SASH1: variants seen among roughly 807,000 people sequenced by gnomAD.
SASH1 encodes the protein SAM and SH3 domain containing 1, also known as SAM and SH3 domain-containing protein 1.
In SASH1, 44 loss-of-function variants were observed where a neutral mutation model predicts 125.2. The observed-to-expected ratio is 0.35, with a 90% CI of 0.28 to 0.45. The LOEUF (loss-of-function observed/expected upper bound fraction) is 0.45. Among genes scored for constraint, SASH1 ranks in the 20% least tolerant of loss-of-function variants. The pLI, the probability that SASH1 is intolerant of heterozygous loss-of-function variation, is 1.00. For missense variants in SASH1, 1,426 were observed against 1,614.5 expected, an observed-to-expected ratio of 0.88 and a Z score of 2.00; for synonymous variants, 639 against 649.1, an observed-to-expected ratio of 0.98 and a Z score of 0.24.
chr6:148,402,828 C>T (rs1239909264), intron 2 of SASH1, among the ~76,000 whole-genome samples: 2 of 151,728 alleles, frequency 1.3e-5, no homozygotes, highest in Non-Finnish European at 2.9e-5. Flanking sequence ...CCAGGATGGT[C>T]TAGATCTCCT....
chr6:148,367,536 C>A (rs1341559882), intron 1 of SASH1, among the ~76,000 whole-genome samples: 1 of 152,240 alleles, frequency 6.6e-6, no homozygotes, highest in African/African-American at 2.4e-5. Flanking sequence ...CTGTAGCAGT[C>A]AGGATTTCCT....
chr6:148,397,523 C>G (rs1036316844), intron 2 of SASH1, among the ~76,000 whole-genome samples: 1 of 152,144 alleles, frequency 6.6e-6, no homozygotes, highest in Non-Finnish European at 1.5e-5. Context: ...TTATATACAT[C>G]TAAATGCACA....
chr6:148,205,831 A>G, the SASH1 span, among the ~76,000 whole-genome samples: 1 of 152,246 alleles, frequency 6.6e-6, no homozygotes, highest in African/African-American at 2.4e-5. Context: ...GCACACATGG[A>G]GCATTGCTCT....
the SASH1 span, among the ~76,000 whole-genome samples, chr6:148,265,631 G>A: frequency 6.6e-6 from 1 of 152,130 alleles, no homozygotes. Flanking sequence ...TAAGAGCATT[G>A]ATTAATGTTC....
upstream of SASH1, among the ~76,000 whole-genome samples, chr6:148,270,102 T>C (rs1779027330): frequency 1.3e-5 from 2 of 152,190 alleles, no homozygotes; most frequent in African/African-American, 2.4e-5. Context: ...GAATTTCTCT[T>C]TTGGTTGCTG....
chr6:148,251,515 A>C, the SASH1 span, among the ~76,000 whole-genome samples: 22 of 152,150 alleles, frequency 1.4e-4, no homozygotes, highest in Admixed American at 5.9e-4. Flanking sequence ...GTCAACCTGA[A>C]GAAAATTGGA....
chr6:148,410,783 G>A (rs1562389172), intron 2 of SASH1, among the ~76,000 whole-genome samples: 2 of 152,256 alleles, frequency 1.3e-5, no homozygotes, highest in East Asian at 3.9e-4. Flanking sequence ...TTGTAAGGAG[G>A]ACCTCACTGT....
the SASH1 span, among the ~76,000 whole-genome samples, chr6:148,248,754 G>A: frequency 6.6e-6 from 1 of 152,208 alleles, no homozygotes; most frequent in Admixed American, 6.5e-5. Flanking sequence ...ATCTCCATAT[G>A]ATTTGTAGCT....
chr6:148,362,469 C>T (rs1330771206), intron 1 of SASH1, among the ~76,000 whole-genome samples: 2 of 151,970 alleles, frequency 1.3e-5, no homozygotes, highest in East Asian at 3.9e-4. Context: ...GCAATGTGCC[C>T]CATCTTCCCT....
At chr6:148,259,845 C>T in the SASH1 span, among the ~76,000 whole-genome samples, 1 of 152,118 alleles carries the variant, frequency 6.6e-6, no homozygotes, top group Non-Finnish European at 1.5e-5. Flanking sequence ...GTCATTTTAA[C>T]ACCATTTGGA....
In SASH1 at chr6:148,471,414, AAGG is replaced by A; in HGVS notation, c.428-1_429del. ...TTTTTTTTTTTTTTTTTTTTTTTTT[AAGG>A]AAAAGGAGACTGGAAGAAGAAAAAT... On this transcript the variant is annotated splice_acceptor_variant and coding_sequence_variant, in exon 6 of 20. Transcript: ENST00000367467. LOFTEE classifies it high-confidence loss of function. 1 of 713,218 alleles carries A rather than the reference AAGG, an allele frequency of 1.4e-6. No individual in the cohort carries two copies. The highest frequency in any genetic ancestry group is 2.1e-6 in the Non-Finnish European group (1 of 486,586). The allele number at this position is 713,218 out of a possible 1,614,324, so 44.2% of individuals were successfully genotyped here. A position where few individuals can be genotyped will look rare whatever the true frequency, so the allele number is the denominator to read the frequency against.
At chr6:148,231,957 G>A in the SASH1 span, among the ~76,000 whole-genome samples, 8 of 151,388 alleles carry the variant, frequency 5.3e-5, no homozygotes, top group East Asian at 1.9e-4. Context: ...CCAACCATAC[G>A]AGATGGATAC....
At chr6:148,420,910 G>A (rs1030325751) in intron 2 of SASH1, among the ~76,000 whole-genome samples, 1 of 151,756 alleles carries the variant, frequency 6.6e-6, no homozygotes, top group Non-Finnish European at 1.5e-5. Flanking sequence ...GCAAAACCCC[G>A]TCTCTATTAA....
At chr6:148,354,978 C>T (rs372351548) in intron 1 of SASH1, among the ~76,000 whole-genome samples, 81 of 152,194 alleles carry the variant, frequency 5.3e-4, no homozygotes, top group South Asian at 2.7e-3. Flanking sequence ...AGGCTGGTCT[C>T]GAACTCCTGA....
Position 148,374,207 on chromosome 6 carries a change from A to G in SASH1, c.157-15927A>G, listed in dbSNP as rs566878508. Among the ~76,000 whole-genome samples, 25 of 152,344 alleles carry G rather than the reference A, an allele frequency of 1.6e-4. 1 individual carries two copies. The South Asian group carries it at 4.6e-3, about 28-fold the overall frequency. ...TTTTTATAGGGCAATCGAGAAGCAT[A>G]AACAAGTTTGGGTAGGTGATAGGCA... On this transcript the variant is annotated intron_variant, in intron 1 of 19. Coordinates refer to ENST00000367467, the MANE Select transcript of SASH1 (RefSeq NM_015278.5).
At chr6:148,283,456 C>T (rs770226052) in intron 1 of SASH1, 1 of 152,292 alleles carries the variant, frequency 6.6e-6, no homozygotes, top group Non-Finnish European at 1.5e-5. Context: ...CACAGCATCA[C>T]AGCACATGGT....
intron 19 of SASH1, among the ~76,000 whole-genome samples, chr6:148,548,055 A>G (rs964201182): frequency 4.6e-5 from 7 of 152,228 alleles, no homozygotes; most frequent in Non-Finnish European, 1.0e-4. Context: ...GGACACATAA[A>G]TGGGATTTGA....
rs71031062 is a variant in SASH1, at chr6:148,302,820, G to GTATATATATA, written n.74+30458_74+30467dup. 4.1e-3 allele frequency among the ~76,000 whole-genome samples: 586 copies of GTATATATATA among 143,890 alleles called. 4 individuals are homozygous for GTATATATATA. The highest frequency in any genetic ancestry group is 5.7e-3 in the Non-Finnish European group (379 of 66,254). The allele number at this position is 143,890 out of a possible 152,430, so 94.4% of individuals were successfully genotyped here. ...TATATTCGAACTCCTGACCTCAGGA[G>GTATATATATA]TATATATATATATATATATATATAC... On this transcript the variant is annotated intron_variant and non_coding_transcript_variant, in intron 1 of 3. Coordinates refer to the SASH1 transcript ENST00000367469.
upstream of SASH1, among the ~76,000 whole-genome samples, chr6:148,268,669 G>T (rs945278702): frequency 6.6e-6 from 1 of 152,192 alleles, no homozygotes; most frequent in Admixed American, 6.5e-5. Flanking sequence ...CATGGCCTAA[G>T]TAGTTAACCT....
Sources: allele counts gnomAD v4.1 joint callset (sites outside exome capture counted in the v4.1 genomes callset), GRCh38; gene constraint gnomAD v4.1.1; transcripts MANE v1.5; gene names NCBI Gene and HGNC (gene_info 2026-07-23, HGNC 2026-07-21).